Variants in ZSCAN5A observed in about 807,000 individuals in gnomAD.
ZSCAN5A encodes the protein zinc finger and SCAN domain-containing protein 5A.
ZSCAN5A carries 12 observed loss-of-function variants against 23.7 expected under a neutral mutation model. The ratio of observed to expected loss-of-function variants is 0.51; its 90% CI spans 0.32 to 0.82. The LOEUF (loss-of-function observed/expected upper bound fraction) is 0.82. Ranked by LOEUF, ZSCAN5A falls within the 40% of genes least tolerant of loss-of-function variation. ZSCAN5A has a pLI of 0.03. For synonymous variants in ZSCAN5A, 257 were observed against 239.9 expected, an observed-to-expected ratio of 1.07 and a Z score of -0.66; for missense variants, 597 against 617.9, an observed-to-expected ratio of 0.97 and a Z score of 0.36.
chr19:56,338,997 T>C (rs2041566983), intron 2 of ZSCAN5A, among the ~76,000 whole-genome samples: 1 of 152,244 alleles, frequency 6.6e-6, no homozygotes, highest in African/African-American at 2.4e-5. Flanking sequence ...AGGGAATTCA[T>C]TCTAAATGGG....
intron 2 of ZSCAN5A, among the ~76,000 whole-genome samples, chr19:56,239,946 T>TG (rs1568630570): frequency 9.2e-5 from 14 of 152,156 alleles, no homozygotes; most frequent in African/African-American, 3.4e-4. Context: ...GGCAGATCAC[T>TG]AGGTCAGGAG....
intron 2 of ZSCAN5A, chr19:56,347,554 G>T (rs1368595090): frequency 6.6e-6 from 1 of 152,168 alleles, no homozygotes; most frequent in African/African-American, 2.4e-5. Flanking sequence ...CTCAGCTAAG[G>T]GAGAGTCAAT....
In ZSCAN5A at chr19:56,221,681, T is replaced by C; in HGVS notation, c.1385A>G (p.His462Arg). 6.2e-7 allele frequency: 1 copy of C among 1,614,178 alleles called. No homozygotes were observed. Among genetic ancestry groups the C allele is most frequent in the Non-Finnish European group, 8.5e-7 (1 of 1,180,030 alleles). Residue 462 changes from histidine (H) to arginine (R), a missense_variant, in exon 6 of 6, where the codon CAC (histidine) becomes CGC (arginine). His to Arg is a conservative substitution (Grantham distance 29). Transcript: ENST00000683990. ...ACATTTGTAGGGTTTCTCTCCGGAGTGGATGCGCTGGTGCTCCTTCAGGCT... is the reference window on the plus strand; with the variant it reads ...ACATTTGTAGGGTTTCTCTCCGGAGCGGATGCGCTGGTGCTCCTTCAGGCT... ...RGSLKEHQRIHSGEKPYKCSK... is the reference protein window; with the variant it reads ...RGSLKEHQRIRSGEKPYKCSK...
At chr19:56,349,771 CTGAG>C (rs1468970051) in intron 2 of ZSCAN5A, among the ~76,000 whole-genome samples, 2 of 139,576 alleles carry the variant, frequency 1.4e-5, no homozygotes, top group Non-Finnish European at 3.1e-5. Flanking sequence ...AGATAAGTAA[CTGAG>C]TGAGGGCTAC....
chr19:56,285,267 C>G (rs1442802233), intron 2 of ZSCAN5A, among the ~76,000 whole-genome samples: 1 of 152,116 alleles, frequency 6.6e-6, no homozygotes, highest in Admixed American at 6.5e-5. Flanking sequence ...ATAGCATATG[C>G]ACATGGGAAA....
chr19:56,221,785 C>T lies in ZSCAN5A; in HGVS notation c.1281G>A (p.Leu427=), dbSNP rs770214112. 8.7e-6 allele frequency: 14 copies of T among 1,613,952 alleles called. No individual in the cohort carries two copies. In the Admixed American group the frequency reaches 2.0e-4, roughly 23 times the overall value. ...CTGTGTGGCTTCTCTTGTGACACTT[C>T]AAGTAGGACTTCTGGGTGAACTGCT... ...CQKQFTQKSY[L]KCHKRSHTGE... Residue 427 remains leucine (L), a synonymous_variant, in exon 6 of 6, where the codon TTG becomes TTA. Transcript: ENST00000683990.
At chr19:56,305,241 C>T (rs1414342719) in intron 2 of ZSCAN5A, among the ~76,000 whole-genome samples, 1 of 150,796 alleles carries the variant, frequency 6.6e-6, no homozygotes, top group Non-Finnish European at 1.5e-5. Context: ...TGTACCAAGA[C>T]ATCGTCTCTT....
intron 2 of ZSCAN5A, among the ~76,000 whole-genome samples, chr19:56,275,255 C>T (rs777117342): frequency 2.0e-5 from 3 of 152,172 alleles, no homozygotes; most frequent in Non-Finnish European, 4.4e-5. Flanking sequence ...TTAATTTTAG[C>T]ATCCATCTGT....
At chr19:56,230,882 C>G (rs542260055) in intron 2 of ZSCAN5A, among the ~76,000 whole-genome samples, 1 of 152,186 alleles carries the variant, frequency 6.6e-6, no homozygotes, top group South Asian at 2.1e-4. Context: ...CAAAATCATT[C>G]ACAGGAAACC....
intron 2 of ZSCAN5A, among the ~76,000 whole-genome samples, chr19:56,269,947 T>C (rs1162855104): frequency 6.6e-6 from 1 of 152,106 alleles, no homozygotes; most frequent in Non-Finnish European, 1.5e-5. Context: ...GGTAATTTGT[T>C]ATGGTAGCAA....
At chr19:56,230,397 A>T (rs2034354664) in intron 2 of ZSCAN5A, among the ~76,000 whole-genome samples, 1 of 152,180 alleles carries the variant, frequency 6.6e-6, no homozygotes. Flanking sequence ...ACATATTATT[A>T]TTAACAAAGG....
rs551913934 is a variant in ZSCAN5A, at chr19:56,322,798, C to G, written c.-357-6530G>C. 8.5e-4 allele frequency among the ~76,000 whole-genome samples: 129 copies of G among 151,942 alleles called. 2 individuals are homozygous for G. The South Asian group carries it at 0.026, about 30-fold the overall frequency. Reference sequence around the variant, plus strand: ...TACTCCTGTATACTTTAAATCATCTCTAGATTACATATAATACCTAATACA... The same window carrying G: ...TACTCCTGTATACTTTAAATCATCTGTAGATTACATATAATACCTAATACA... On this transcript the variant is annotated intron_variant, in intron 2 of 6. Transcript: ENST00000587340.
chr19:56,268,302 T>TGCCCCTGTGGGTGTAATG (rs1232477144), intron 2 of ZSCAN5A, among the ~76,000 whole-genome samples: 6 of 152,252 alleles, frequency 3.9e-5, no homozygotes, highest in Admixed American at 2.6e-4. Flanking sequence ...GTGTGGGCGC[T>TGCCCCTGTGGGTGTAATG]GCCCCTGTGG....
chr19:56,342,334 T>C (rs1407072917), intron 2 of ZSCAN5A: 1 of 153,048 alleles, frequency 6.5e-6, no homozygotes, highest in Non-Finnish European at 1.5e-5. Context: ...TTTCTTTTTT[T>C]TGGGGGATGC....
intron 2 of ZSCAN5A, among the ~76,000 whole-genome samples, chr19:56,300,676 G>A (rs1274825553): frequency 6.6e-6 from 1 of 152,194 alleles, no homozygotes; most frequent in African/African-American, 2.4e-5. Context: ...GGGACAAGGA[G>A]TAATCGCTTC....
intron 2 of ZSCAN5A, among the ~76,000 whole-genome samples, chr19:56,360,570 A>G (rs2041727937): frequency 6.6e-6 from 1 of 152,166 alleles, no homozygotes. Context: ...CCTGACAAAA[A>G]CCAGCAATGG....
chr19:56,257,640 G>A (rs868076831), intron 2 of ZSCAN5A, among the ~76,000 whole-genome samples: 1 of 120,660 alleles, frequency 8.3e-6, no homozygotes, highest in African/African-American at 3.3e-5. Context: ...GGGGACTCTG[G>A]AAGCCTTTCA....
intron 2 of ZSCAN5A, among the ~76,000 whole-genome samples, chr19:56,268,774 C>T (rs899003868): frequency 2.0e-5 from 3 of 152,044 alleles, no homozygotes; most frequent in Admixed American, 6.6e-5. Context: ...CACTAAGCAG[C>T]CATTCCTCTT....
Position 56,223,717 on chromosome 19 carries a change from A to C in ZSCAN5A, c.502T>G (p.Ser168Ala), listed in dbSNP as rs141990164. The change falls in exon 4 of 6, where the codon TCG becomes GCG. Residue 168 changes from serine to alanine, a missense_variant. Around this residue, in one of 5 missense-constraint regions of ZSCAN5A, gnomAD observed 406 missense variants for 353.2 expected, o/e 1.15. Coordinates refer to ENST00000683990, the MANE Select transcript of ZSCAN5A (RefSeq NM_001322064.3). The part of the protein sequence containing the change: ...LKDVSSQRAS[S>A]VNQMRPGEGQ... ...TCCCCTGGACGCATCTGGTTCACCG[A>C]GGAGGCCCGTTGGCTGGACACGTCT... 8.2e-5 allele frequency: 132 copies of C among 1,613,840 alleles called. No homozygotes were observed. In the African/African-American group the frequency reaches 1.5e-3, roughly 19 times the overall value.
Sources: allele counts gnomAD v4.1 joint callset (sites outside exome capture counted in the v4.1 genomes callset), GRCh38; gene constraint gnomAD v4.1.1; regional missense constraint gnomAD v4.1.1; transcripts MANE v1.5; gene names NCBI Gene and HGNC (gene_info 2026-07-23, HGNC 2026-07-21).